MPHOSPH9: variants seen among roughly 807,000 people sequenced by gnomAD.
MPHOSPH9 encodes M-phase phosphoprotein 9.
MPHOSPH9 carries 88 observed loss-of-function variants against 145.5 expected under a neutral mutation model. That is an observed-to-expected ratio of 0.60 (90% confidence interval 0.51 to 0.72). The LOEUF (loss-of-function observed/expected upper bound fraction) is 0.72. Among genes scored for constraint, MPHOSPH9 ranks in the 30% least tolerant of loss-of-function variants. MPHOSPH9 has a pLI of 0.00. For missense variants in MPHOSPH9, 1,238 were observed against 1,386.6 expected, an observed-to-expected ratio of 0.89 and a Z score of 1.70; for synonymous variants, 435 against 486.2, an observed-to-expected ratio of 0.89 and a Z score of 1.39.
Position 123,230,421 on chromosome 12 carries a change from G to T in MPHOSPH9, c.-57C>A. 1 of 1,036,980 alleles carries T rather than the reference G, an allele frequency of 9.6e-7. No homozygotes were observed. Among genetic ancestry groups the T allele is most frequent in the Non-Finnish European group, 1.4e-6 (1 of 731,462 alleles). The allele number at this position is 1,036,980 out of a possible 1,614,324, so 64.2% of individuals were successfully genotyped here. A position where few individuals can be genotyped will look rare whatever the true frequency, so the allele number is the denominator to read the frequency against. On this transcript the variant is annotated 5_prime_UTR_variant, in exon 2 of 24. The change creates a premature stop within an existing upstream ORF in the 5' untranslated region. Coordinates refer to ENST00000606320, the MANE Select transcript of MPHOSPH9 (RefSeq NM_022782.4). ...GAAAATAAAGGTTCTTGGGCTGTTT[G>T]AGAAAAATGAATCCGTGTCATCTTC...
At position 123,202,830 on chromosome 12, in the gene MPHOSPH9, T is replaced by A; in HGVS notation, c.1575A>T (p.Thr525=). Residue 525 remains threonine, a synonymous_variant, in exon 10 of 24, where the codon ACA becomes ACT. Coordinates refer to ENST00000606320, the MANE Select transcript of MPHOSPH9 (RefSeq NM_022782.4). ...ASPVDSWKNQ[T]FQNESRTSST... Reference sequence around the variant, plus strand: ...AACTGGTCCTACTTTCGTTTTGGAATGTCTGATTTTTCCAAGAGTCCACCG... The same window carrying A: ...AACTGGTCCTACTTTCGTTTTGGAAAGTCTGATTTTTCCAAGAGTCCACCG... The A allele has an allele frequency of 6.2e-7, 1 of 1,614,208 alleles. No homozygotes were observed. The highest frequency in any genetic ancestry group is 8.5e-7 in the Non-Finnish European group (1 of 1,180,040).
At position 123,155,702 on chromosome 12, in the gene MPHOSPH9, G is replaced by A. The variant is rs1430265023; in HGVS notation, c.*1105C>T. On this transcript the variant is annotated 3_prime_UTR_variant, in exon 24 of 24. Transcript: ENST00000606320. ...CCAACACAAACCTGCCAATGCTCCT[G>A]GATCAGAGGAGAGACTCCTGCCCAC... 1 of 152,302 alleles carries A rather than the reference G, an allele frequency of 6.6e-6. No homozygotes were observed. Among genetic ancestry groups the A allele is most frequent in the East Asian group, 1.9e-4 (1 of 5,184 alleles). 9.4% of individuals were successfully genotyped at this position (152,302 alleles called of 1,614,324 possible).
chr12:123,204,602 C>T (rs777675353), intron 8 of MPHOSPH9, among the ~76,000 whole-genome samples: 1 of 152,160 alleles, frequency 6.6e-6, no homozygotes, highest in East Asian at 1.9e-4. Flanking sequence ...AGGCTGGACA[C>T]GGTGGCTTAC....
At chr12:123,211,732 C>A (rs2046732890) in intron 7 of MPHOSPH9, among the ~76,000 whole-genome samples, 1 of 125,980 alleles carries the variant, frequency 7.9e-6, no homozygotes, top group Non-Finnish European at 1.6e-5. Context: ...CTCCATCTGT[C>A]ACCCAGTCTG....
chr12:123,159,772 T>G lies in MPHOSPH9; in HGVS notation c.3450+1009A>C, dbSNP rs1308828995. On this transcript the variant is annotated intron_variant, in intron 23 of 23. Transcript: ENST00000606320. This position sits in a 1 kb window ranked among gnomAD's most constrained non-coding sequence, Gnocchi z 4.3. ...ACCCAAATTTCTACTAAAACATTCT[T>G]GGTTAAATACGTTACTGCTGATGGA... 6.6e-6 allele frequency: 1 copy of G among 152,226 alleles called. No individual in the cohort carries two copies. The highest frequency in any genetic ancestry group is 1.5e-5 in the Non-Finnish European group (1 of 68,044). The allele number at this position is 152,226 out of a possible 1,614,324, so 9.4% of individuals were successfully genotyped here.
chr12:123,210,965 G>C (rs1223596010), intron 7 of MPHOSPH9, among the ~76,000 whole-genome samples: 6 of 140,718 alleles, frequency 4.3e-5, no homozygotes, highest in Admixed American at 1.4e-4. Flanking sequence ...GCTAATTTTT[G>C]GTTTGTTTTT....
At chr12:123,226,535 T>A (rs1185293055) in intron 3 of MPHOSPH9, among the ~76,000 whole-genome samples, 2 of 151,470 alleles carry the variant, frequency 1.3e-5, no homozygotes, top group African/African-American at 4.9e-5. Context: ...TTTTTTTTTT[T>A]ACTGAGGGGG....
At chr12:123,181,252 C>T (rs373232813) in intron 13 of MPHOSPH9, 42 bp from the exon 14 acceptor site, 30 of 1,554,404 alleles carry the variant, frequency 1.9e-5, no homozygotes, top group South Asian at 4.5e-5. Context: ...CAAAATTAAA[C>T]GTTATTCTAT....
intron 6 of MPHOSPH9, among the ~76,000 whole-genome samples, chr12:123,216,676 C>T (rs1474597102): frequency 6.6e-6 from 1 of 151,896 alleles, no homozygotes; most frequent in Non-Finnish European, 1.5e-5. Flanking sequence ...CATAATGAGA[C>T]CCTGTCTCTA....
intron 1 of MPHOSPH9, among the ~76,000 whole-genome samples, chr12:123,239,747 CA>C (rs534727822): frequency 3.3e-5 from 5 of 152,168 alleles, no homozygotes; most frequent in Non-Finnish European, 7.4e-5. Context: ...AGAACATTAA[CA>C]CAACAGAGGT....
chr12:123,234,586 G>C (rs1286327312), upstream of MPHOSPH9, among the ~76,000 whole-genome samples: 2 of 152,016 alleles, frequency 1.3e-5, no homozygotes, highest in African/African-American at 4.8e-5. Flanking sequence ...TAGTAGAGAC[G>C]GGGTTTTGCC....
chr12:123,192,479 T>C (rs2045722526), intron 13 of MPHOSPH9, among the ~76,000 whole-genome samples: 1 of 146,274 alleles, frequency 6.8e-6, no homozygotes, highest in Non-Finnish European at 1.5e-5. Flanking sequence ...AGTTAAATAA[T>C]TGTCAGGGCA....
At position 123,156,920 on chromosome 12, in the gene MPHOSPH9, CAATGGGAA is replaced by C. The variant is rs1322958913; in HGVS notation, c.3451-20_3451-13del. 3.8e-6 allele frequency: 6 copies of C among 1,588,206 alleles called. No individual in the cohort carries two copies. Among genetic ancestry groups the C allele is most frequent in the Non-Finnish European group, 5.2e-6 (6 of 1,160,786 alleles). On this transcript the variant is annotated splice_polypyrimidine_tract_variant and intron_variant, in intron 23 of 23. Coordinates refer to ENST00000606320, the MANE Select transcript of MPHOSPH9 (RefSeq NM_022782.4). The stretch of plus-strand genomic sequence containing the variant: ...TCTTCCAAGGCTTCCTAGGTGAAAA[CAATGGGAA>C]AAGTTTAATTAGAATTCTATACCAA...
intron 11 of MPHOSPH9, among the ~76,000 whole-genome samples, chr12:123,200,195 C>A (rs914556545): frequency 1.5e-4 from 23 of 150,484 alleles, no homozygotes; most frequent in African/African-American, 2.2e-4. Context: ...TTGGAAAAAA[C>A]CAGTGTATAC....
chr12:123,156,703 C>G lies in MPHOSPH9; in HGVS notation c.*104G>C, dbSNP rs1342474099. 2.9e-6 allele frequency: 2 copies of G among 690,990 alleles called. No homozygotes were observed. Among genetic ancestry groups the G allele is most frequent in the African/African-American group, 3.6e-5 (2 of 56,202 alleles). 42.8% of individuals were successfully genotyped at this position (690,990 alleles called of 1,614,324 possible). On this transcript the variant is annotated 3_prime_UTR_variant, in exon 24 of 24. Transcript: ENST00000606320. ...TAAGAATAGCATGATTGTAAAACTA[C>G]TGTTTGAAGGCTTATAAACAGTACA...
intron 21 of MPHOSPH9, among the ~76,000 whole-genome samples, chr12:123,161,807 A>T (rs896625229): frequency 3.3e-5 from 5 of 152,216 alleles, no homozygotes; most frequent in African/African-American, 1.2e-4. Context: ...TTTAGAATAT[A>T]AATGAGAAAA....
intron 11 of MPHOSPH9, among the ~76,000 whole-genome samples, chr12:123,200,039 T>G (rs1320565030): frequency 6.6e-6 from 1 of 152,152 alleles, no homozygotes. Flanking sequence ...TTAATTGTAT[T>G]TGACTTTTTT....
rs571686080 is a variant in MPHOSPH9 at position 123,218,237 on chromosome 12, A to C, written c.996+139T>G. The C allele has an allele frequency of 1.8e-4, 223 of 1,271,018 alleles. 1 individual carries two copies. Among genetic ancestry groups the C allele is most frequent in the Non-Finnish European group, 2.0e-4 (187 of 938,688 alleles). 78.7% of individuals were successfully genotyped at this position (1,271,018 alleles called of 1,614,324 possible). A position where few individuals can be genotyped will look rare whatever the true frequency, so the allele number is the denominator to read the frequency against. On this transcript the variant is annotated intron_variant, in intron 6 of 23. Transcript: ENST00000606320. ...ATAAGAGCGAAACTCCGTCTCAAAA[A>C]AACAACAACAAAAAAAATGTATAAA...
At chr12:123,234,442 C>G (rs1448510992), upstream of MPHOSPH9, among the ~76,000 whole-genome samples, 1 of 152,164 alleles carries the variant, frequency 6.6e-6, no homozygotes, top group Non-Finnish European at 1.5e-5. Context: ...GTCACCCAGG[C>G]TGGAGGGCAG....
Sources: allele counts gnomAD v4.1 joint callset (sites outside exome capture counted in the v4.1 genomes callset), GRCh38; gene constraint gnomAD v4.1.1; non-coding constraint Gnocchi (gnomAD v3.1); transcripts MANE v1.5; gene names NCBI Gene and HGNC (gene_info 2026-07-23, HGNC 2026-07-21).